The following EPB41L4B variants were observed in gnomAD, a reference collection of about 807,000 sequenced individuals.
EPB41L4B encodes the protein band 4.1-like protein 4B.
In EPB41L4B, 30 loss-of-function variants were observed where a neutral mutation model predicts 112.5. That is an observed-to-expected ratio of 0.27 (90% CI 0.20 to 0.36). The LOEUF (loss-of-function observed/expected upper bound fraction) is 0.36, where lower values mean the gene tolerates loss of function less well. Among genes scored for constraint, EPB41L4B ranks in the 10% least tolerant of loss-of-function variants. EPB41L4B has a pLI of 1.00. For synonymous variants in EPB41L4B, 408 were observed against 439.7 expected (o/e 0.93, Z 0.90); for missense variants, 1,024 against 1,133.3 (o/e 0.90, Z 1.38).
At chr9:109,213,663 A>G in intron 17 of EPB41L4B, 37 bp downstream of exon 17, 1 of 1,568,978 alleles carries the variant, frequency 6.4e-7, no homozygotes, top group Non-Finnish European at 8.8e-7. Flanking sequence ...TGTCAGCACC[A>G]AGTCCATGGT....
intron 1 of EPB41L4B, among the ~76,000 whole-genome samples, chr9:109,319,222 C>T (rs879564027): frequency 3.3e-5 from 5 of 152,260 alleles, no homozygotes; most frequent in East Asian, 1.9e-4. Context: ...GGAAGACTCA[C>T]TGGTAACTGG....
rs1344263825 is a variant in EPB41L4B at position 109,217,025 on chromosome 9, ATGCTGG to A, written c.1524_1529del (p.Gln515_His516del). ...TTGAGTGGTGCTGGTGCTGATGCTGATGCTGGTGCTGGTGGTGATGCCTTCCTGAAG... is the reference window on the plus strand; with the variant it reads ...TTGAGTGGTGCTGGTGCTGATGCTGATGCTGGTGGTGATGCCTTCCTGAAG... On this transcript the variant is annotated inframe_deletion, in exon 16 of 26. Coordinates refer to ENST00000374566, the MANE Select transcript of EPB41L4B (RefSeq NM_019114.5). 2.5e-6 allele frequency: 4 copies of A among 1,614,060 alleles called. No homozygotes were observed. The African/African-American group carries it at 5.3e-5, about 22-fold the overall frequency.
At position 109,320,619 on chromosome 9, in the gene EPB41L4B, CT is replaced by C. The variant is rs201612516; in HGVS notation, c.-174del. Reference sequence around the variant, plus strand: ...CCCGCGCCGAGGCCGAGGCCGCGCTCTAGCCGCCTGCGGGGCGCGCCGGCCC... The same window carrying C: ...CCCGCGCCGAGGCCGAGGCCGCGCTCAGCCGCCTGCGGGGCGCGCCGGCCC... On this transcript the variant is annotated 5_prime_UTR_variant, in exon 1 of 26. Coordinates refer to ENST00000374566, the MANE Select transcript of EPB41L4B (RefSeq NM_019114.5). The C allele has an allele frequency of 0.34, 59,033 of 174,396 alleles. 11,144 individuals are homozygous for C. The highest frequency in any genetic ancestry group is 0.45 in the Admixed American group (6,540 of 14,648). The allele number at this position is 174,396 out of a possible 1,614,324, so 10.8% of individuals were successfully genotyped here. A position where few individuals can be genotyped will look rare whatever the true frequency, so the allele number is the denominator to read the frequency against.
rs1834868741 is a variant in EPB41L4B, at chr9:109,253,454, A to C, written c.1266T>G (p.His422Gln). The C allele has an allele frequency of 1.2e-6, 2 of 1,611,152 alleles. No individual in the cohort carries two copies. Among genetic ancestry groups the C allele is most frequent in the Non-Finnish European group, 1.7e-6 (2 of 1,177,540 alleles). Reference protein sequence around the residue: ...KPSKRYPSRRHSTFKASNPVI... With the variant: ...KPSKRYPSRRQSTFKASNPVI... ...AAAACACACAACCTTTGAACGTTGA[A>C]TGTCTCCGGGATGGATAACGTTTAC... The change falls in exon 12 of 26, where the codon CAT (histidine) becomes CAG (glutamine). Residue 422 changes from histidine to glutamine, a missense_variant. His to Gln is a conservative substitution (Grantham distance 24). Transcript: ENST00000374566.
rs113278168 is a variant in EPB41L4B, at chr9:109,275,112, C to A, written c.411+4705G>T. Reference sequence around the variant, plus strand: ...GAAAAGGGAAACAGGAGGTCCTAGTCCCAACTGCTAAAAATAGGTGATATC... The same window carrying A: ...GAAAAGGGAAACAGGAGGTCCTAGTACCAACTGCTAAAAATAGGTGATATC... On this transcript the variant is annotated intron_variant, in intron 2 of 25. Transcript: ENST00000374566. 2.4e-3 allele frequency among the ~76,000 whole-genome samples: 368 copies of A among 152,288 alleles called. 8 individuals carry two copies. The highest frequency in any genetic ancestry group is 0.017 in the Middle Eastern group (5 of 294).
intron 1 of EPB41L4B, among the ~76,000 whole-genome samples, chr9:109,319,656 C>G (rs1837770234): frequency 2.0e-5 from 3 of 152,254 alleles, no homozygotes; most frequent in African/African-American, 7.2e-5. Context: ...GGGATCTCCT[C>G]TCTGCTGTCT....
At chr9:109,305,204 A>C (rs2119236669) in intron 1 of EPB41L4B, among the ~76,000 whole-genome samples, 1 of 107,096 alleles carries the variant, frequency 9.3e-6, no homozygotes, top group Admixed American at 1.1e-4. Context: ...AAGCGCGGGA[A>C]GGTGGGGTGG....
At chr9:109,279,198 C>CTT (rs774056556) in intron 2 of EPB41L4B, among the ~76,000 whole-genome samples, 17 of 143,804 alleles carry the variant, frequency 1.2e-4, no homozygotes, top group African/African-American at 3.3e-4. Context: ...CTTTCTTTTC[C>CTT]TTTTTTTTTT....
rs10979811 is a variant in EPB41L4B, at chr9:109,296,124, C to A, written c.307-16203G>T. Among the ~76,000 whole-genome samples, 958 of 152,268 alleles carry A rather than the reference C, an allele frequency of 6.3e-3. 23 individuals carry two copies. The East Asian group carries it at 0.094, about 15-fold the overall frequency. On this transcript the variant is annotated intron_variant, in intron 1 of 25. Transcript: ENST00000374566. Reference sequence around the variant, plus strand: ...CATAAATAAATATGCAACAAATTCCCAGGAAATCTAGCCAAGAAACGTGAA... The same window carrying A: ...CATAAATAAATATGCAACAAATTCCAAGGAAATCTAGCCAAGAAACGTGAA...
chr9:109,278,073 C>A (rs983670461), intron 2 of EPB41L4B, among the ~76,000 whole-genome samples: 3 of 152,076 alleles, frequency 2.0e-5, no homozygotes, highest in Non-Finnish European at 4.4e-5. Context: ...TCGAGGGATG[C>A]GAAGGACAGT....
intron 15 of EPB41L4B, chr9:109,240,669 A>G: frequency 1.0e-6 from 1 of 985,484 alleles, no homozygotes; most frequent in Non-Finnish European, 1.2e-6. Flanking sequence ...GGCAACAACC[A>G]TCTCATCCTA....
intron 7 of EPB41L4B, among the ~76,000 whole-genome samples, chr9:109,257,450 G>A (rs1458372038): frequency 1.3e-5 from 2 of 152,170 alleles, no homozygotes; most frequent in Admixed American, 6.5e-5. Context: ...TTCCTGAAAT[G>A]TAACACTGTA....
chr9:109,209,728 C>A (rs1054130757), intron 17 of EPB41L4B, among the ~76,000 whole-genome samples: 2 of 152,012 alleles, frequency 1.3e-5, no homozygotes, highest in African/African-American at 4.8e-5. Context: ...TATGGGTTAG[C>A]CACTGACTAT....
At chr9:109,255,933 A>G in intron 9 of EPB41L4B, 90 bp from the exon 10 acceptor site, 2 of 1,348,314 alleles carry the variant, frequency 1.5e-6, no homozygotes, top group Non-Finnish European at 2.0e-6. Flanking sequence ...TTTAAAGCTT[A>G]GACTAAAAAA....
chr9:109,214,483 G>A (rs531397195), intron 16 of EPB41L4B, among the ~76,000 whole-genome samples: 26 of 152,322 alleles, frequency 1.7e-4, no homozygotes, highest in African/African-American at 6.0e-4. Context: ...GAGATATTCC[G>A]AAGAAGACTG....
intron 1 of EPB41L4B, among the ~76,000 whole-genome samples, chr9:109,287,722 C>G (rs1482615310): frequency 6.6e-6 from 1 of 152,116 alleles, no homozygotes; most frequent in Non-Finnish European, 1.5e-5. Context: ...CAGCCTTGAT[C>G]TCCTGGGCTC....
chr9:109,227,471 C>T (rs1833822265), intron 15 of EPB41L4B, among the ~76,000 whole-genome samples: 1 of 152,076 alleles, frequency 6.6e-6, no homozygotes. Context: ...TTAAAATGTC[C>T]TTCAGTTAGA....
chr9:109,286,433 G>T (rs1340437640), intron 1 of EPB41L4B, among the ~76,000 whole-genome samples: 2 of 152,124 alleles, frequency 1.3e-5, no homozygotes, highest in Non-Finnish European at 2.9e-5. Flanking sequence ...AGCACCTAGG[G>T]AACTGTGTGC....
Position 109,309,755 on chromosome 9 carries a change from CAGAGAG to C in EPB41L4B, c.306+10380_306+10385del, listed in dbSNP as rs34950010. ...TCTCTATTATTAAGAAATACACACA[CAGAGAG>C]AGAGAGAGAGAGAGAGAGAGAGAGA... On this transcript the variant is annotated intron_variant, in intron 1 of 25. Transcript: ENST00000374566. 3.8e-3 allele frequency among the ~76,000 whole-genome samples: 533 copies of C among 142,070 alleles called. 4 individuals are homozygous for C. Among genetic ancestry groups the C allele is most frequent in the African/African-American group, 7.1e-3 (270 of 37,838 alleles). 93.2% of individuals were successfully genotyped at this position (142,070 alleles called of 152,430 possible). A position where few individuals can be genotyped will look rare whatever the true frequency, so the allele number is the denominator to read the frequency against.
Sources: allele counts gnomAD v4.1 joint callset (sites outside exome capture counted in the v4.1 genomes callset), GRCh38; gene constraint gnomAD v4.1.1; transcripts MANE v1.5; gene names NCBI Gene and HGNC (gene_info 2026-07-23, HGNC 2026-07-21).